Variants in AKAP6 observed in about 807,000 individuals in gnomAD.
AKAP6 encodes the protein A-kinase anchor protein 6.
AKAP6 carries 58 observed loss-of-function variants against 188.5 expected under a neutral mutation model. That is an observed-to-expected ratio of 0.31 (90% CI 0.25 to 0.38). The LOEUF (loss-of-function observed/expected upper bound fraction) is 0.38. Among genes scored for constraint, AKAP6 ranks in the 10% least tolerant of loss-of-function variants. The probability of loss-of-function intolerance (pLI) is 1.00; values close to 1 mark genes in which losing one functional copy is unlikely to be tolerated. For missense variants in AKAP6, 2,710 were observed against 2,740.0 expected, an observed-to-expected ratio of 0.99 and a Z score of 0.24; for synonymous variants, 989 against 998.6, an observed-to-expected ratio of 0.99 and a Z score of 0.18.
At chr14:32,697,213 A>G (rs1314905815) in intron 9 of AKAP6, among the ~76,000 whole-genome samples, 2 of 152,132 alleles carry the variant, frequency 1.3e-5, no homozygotes, top group East Asian at 3.8e-4. Context: ...TGTACTTTTC[A>G]AGGGTCTGGT....
chr14:32,776,650 C>A (rs1427264784), intron 12 of AKAP6, among the ~76,000 whole-genome samples: 5 of 152,136 alleles, frequency 3.3e-5, no homozygotes, highest in Admixed American at 2.0e-4. Context: ...AATTTTGTTT[C>A]ATTCTGGCAT....
intron 7 of AKAP6, among the ~76,000 whole-genome samples, chr14:32,665,090 A>C (rs995585345): frequency 1.3e-5 from 2 of 152,146 alleles, no homozygotes; most frequent in Admixed American, 1.3e-4. Flanking sequence ...TCATCAATAC[A>C]GAAGACTTCT....
At chr14:32,426,654 T>C (rs1263026793) in intron 1 of AKAP6, among the ~76,000 whole-genome samples, 1 of 152,218 alleles carries the variant, frequency 6.6e-6, no homozygotes, top group African/African-American at 2.4e-5. Flanking sequence ...GTATGAATGC[T>C]CATTAGTGTT....
At chr14:32,576,024 A>G (rs1317589761) in intron 4 of AKAP6, among the ~76,000 whole-genome samples, 2 of 152,156 alleles carry the variant, frequency 1.3e-5, no homozygotes, top group East Asian at 1.9e-4. Flanking sequence ...TGCTTGAATT[A>G]AAGGTTTATG....
At chr14:32,476,294 A>G (rs1049123491) in intron 2 of AKAP6, among the ~76,000 whole-genome samples, 16 of 152,178 alleles carry the variant, frequency 1.1e-4, no homozygotes, top group African/African-American at 3.6e-4. Flanking sequence ...ATCTTTATCC[A>G]TAGAAGGCTA....
At chr14:32,753,032 A>G (rs1594911779) in intron 11 of AKAP6, among the ~76,000 whole-genome samples, 1 of 152,270 alleles carries the variant, frequency 6.6e-6, no homozygotes, top group South Asian at 2.1e-4. Flanking sequence ...CATCTTTTTG[A>G]CATACTGATT....
intron 7 of AKAP6, among the ~76,000 whole-genome samples, chr14:32,644,840 T>G (rs1887919551): frequency 6.6e-6 from 1 of 152,188 alleles, no homozygotes; most frequent in Admixed American, 6.5e-5. Context: ...GTTCTCCATA[T>G]GATTACCCAA....
rs536120010 is a variant in AKAP6, at chr14:32,484,361, A to G, written c.324+50544A>G. 1.4e-4 allele frequency: 20 copies of G among 146,388 alleles called. 6 individuals are homozygous for G. Among genetic ancestry groups the G allele is most frequent in the African/African-American group, 3.2e-4 (3 of 9,424 alleles). 9.1% of individuals were successfully genotyped at this position (146,388 alleles called of 1,614,324 possible). A position where few individuals can be genotyped will look rare whatever the true frequency, so the allele number is the denominator to read the frequency against. ...GATGCCTGCTAGATGCAAGGAGAAG[A>G]TGGTTAGATCTACGGAAGCTCCAGG... On this transcript the variant is annotated intron_variant, in intron 2 of 13. Transcript: ENST00000280979.
chr14:32,661,201 GC>G (rs1888685457), intron 7 of AKAP6, among the ~76,000 whole-genome samples: 1 of 151,942 alleles, frequency 6.6e-6, no homozygotes, highest in Non-Finnish European at 1.5e-5. Context: ...TGCAACTCCA[GC>G]CCTAAATTTC....
chr14:32,693,429 T>C (rs1053092845), intron 8 of AKAP6: 67 of 152,154 alleles, frequency 4.4e-4, no homozygotes, highest in African/African-American at 1.5e-3. Flanking sequence ...TGGAGTCTCT[T>C]CTTGGGAGAA....
intron 1 of AKAP6, among the ~76,000 whole-genome samples, chr14:32,359,743 T>C (rs1887599142): frequency 6.6e-6 from 1 of 152,180 alleles, no homozygotes; most frequent in Non-Finnish European, 1.5e-5. Context: ...TTGTAAAATG[T>C]CCTTCAATTT....
chr14:32,797,893 G>A (rs1682356535), intron 12 of AKAP6, among the ~76,000 whole-genome samples: 1 of 145,826 alleles, frequency 6.9e-6, no homozygotes, highest in Admixed American at 6.8e-5. Flanking sequence ...ATTGACCAAT[G>A]GAACCTAATT....
intron 3 of AKAP6, among the ~76,000 whole-genome samples, chr14:32,536,065 A>G (rs1334282880): frequency 6.6e-6 from 1 of 152,222 alleles, no homozygotes; most frequent in Non-Finnish European, 1.5e-5. Context: ...TTTCCTCTTC[A>G]ATTATTTAAT....
chr14:32,638,321 C>A (rs1887603542), intron 7 of AKAP6, among the ~76,000 whole-genome samples: 1 of 152,084 alleles, frequency 6.6e-6, no homozygotes. Context: ...CTGATAAGGG[C>A]AGAGGCACTG....
At chr14:32,504,931 A>G (rs1197142364) in intron 2 of AKAP6, among the ~76,000 whole-genome samples, 1 of 152,236 alleles carries the variant, frequency 6.6e-6, no homozygotes, top group East Asian at 1.9e-4. Flanking sequence ...GAAATCAGAC[A>G]GGAAAGCGTG....
chr14:32,636,870 C>T (rs1887515473), intron 7 of AKAP6, among the ~76,000 whole-genome samples: 1 of 151,936 alleles, frequency 6.6e-6, no homozygotes, highest in Admixed American at 6.6e-5. Flanking sequence ...GGTACTTAAG[C>T]AGGGGGTGGC....
chr14:32,678,621 G>C (rs1165052883), intron 8 of AKAP6, among the ~76,000 whole-genome samples, 162 bp downstream of exon 8: 1 of 152,152 alleles, frequency 6.6e-6, no homozygotes, highest in African/African-American at 2.4e-5. Flanking sequence ...CAGAATTGAA[G>C]ACTGTGGATT....
chr14:32,565,813 G>A (rs1034840742), intron 4 of AKAP6, among the ~76,000 whole-genome samples: 1 of 152,226 alleles, frequency 6.6e-6, no homozygotes, highest in Admixed American at 6.5e-5. Context: ...AGCTACTTGA[G>A]AGTTCTCAGA....
At chr14:32,487,861 C>G (rs1011565410) in intron 2 of AKAP6, among the ~76,000 whole-genome samples, 6 of 152,206 alleles carry the variant, frequency 3.9e-5, no homozygotes, top group African/African-American at 1.2e-4. Flanking sequence ...TTGCCTATCA[C>G]CAGCGGAGGC....
Sources: allele counts gnomAD v4.1 joint callset (sites outside exome capture counted in the v4.1 genomes callset), GRCh38; gene constraint gnomAD v4.1.1; transcripts MANE v1.5; gene names NCBI Gene and HGNC (gene_info 2026-07-23, HGNC 2026-07-21).